Variants in ILDR1 observed in about 807,000 individuals in gnomAD.
ILDR1 encodes immunoglobulin like domain containing receptor 1.
Under a neutral mutation model 62.4 loss-of-function variants are expected in ILDR1, and 56 were observed. The ratio of observed to expected loss-of-function variants is 0.90; its 90% CI spans 0.72 to 1.12. The LOEUF (loss-of-function observed/expected upper bound fraction) is 1.12. Among genes scored for constraint, ILDR1 ranks in the 50% most tolerant of loss-of-function variants. The pLI is 0.00. For missense variants in ILDR1, 736 were observed against 710.6 expected, an observed-to-expected ratio of 1.04 and a Z score of -0.41; for synonymous variants, 284 against 277.8, an observed-to-expected ratio of 1.02 and a Z score of -0.22.
At chr3:122,055,179 G>A in the ILDR1 span, among the ~76,000 whole-genome samples, 1 of 152,020 alleles carries the variant, frequency 6.6e-6, no homozygotes. Context: ...TTTTATTCAG[G>A]CTCATCTTAA....
intron 7 of ILDR1, among the ~76,000 whole-genome samples, chr3:121,989,436 T>G (rs902151074): frequency 6.6e-6 from 1 of 152,214 alleles, no homozygotes; most frequent in Non-Finnish European, 1.5e-5. Context: ...GGGATTCTCT[T>G]TAGAAAGTTT....
the ILDR1 span, among the ~76,000 whole-genome samples, chr3:122,035,839 A>G: frequency 1.3e-5 from 2 of 152,204 alleles, no homozygotes; most frequent in Non-Finnish European, 2.9e-5. Context: ...TGGTACCAGG[A>G]AAGTGGGGGA....
the ILDR1 span, among the ~76,000 whole-genome samples, chr3:122,041,769 T>G: frequency 5.9e-5 from 9 of 152,104 alleles, no homozygotes; most frequent in South Asian, 4.2e-4. Context: ...ATCTTGCAAC[T>G]TTACTGAATT....
the ILDR1 span, among the ~76,000 whole-genome samples, chr3:122,031,930 G>C: frequency 6.6e-6 from 1 of 152,186 alleles, no homozygotes; most frequent in Non-Finnish European, 1.5e-5. Flanking sequence ...TTTCTTGCTG[G>C]ATGAGTACTG....
chr3:121,990,048 A>C (rs1397903649), intron 7 of ILDR1, among the ~76,000 whole-genome samples: 1 of 152,214 alleles, frequency 6.6e-6, no homozygotes, highest in East Asian at 1.9e-4. Flanking sequence ...TATCAACTCA[A>C]GCAGTAAACA....
At chr3:122,001,213 C>T (rs571381037) in intron 5 of ILDR1, 95 bp downstream of exon 5, 3 of 1,397,864 alleles carry the variant, frequency 2.1e-6, no homozygotes, top group South Asian at 2.4e-5. Flanking sequence ...TGGAGGAGAA[C>T]CTGGAAGAAT....
intron 5 of ILDR1, among the ~76,000 whole-genome samples, chr3:121,999,785 A>T (rs1007333210): frequency 6.6e-5 from 10 of 152,238 alleles, no homozygotes; most frequent in Admixed American, 5.9e-4. Flanking sequence ...ACCTCATTAT[A>T]TCCCCTCTCA....
At chr3:122,014,589 G>A (rs1353812896) in intron 1 of ILDR1, among the ~76,000 whole-genome samples, 4 of 152,064 alleles carry the variant, frequency 2.6e-5, no homozygotes, top group Admixed American at 2.0e-4. Context: ...ATATAAGTAC[G>A]TCTTCACATG....
chr3:122,013,535 G>A (rs910905722), intron 1 of ILDR1, among the ~76,000 whole-genome samples: 5 of 152,120 alleles, frequency 3.3e-5, no homozygotes, highest in African/African-American at 1.2e-4. Context: ...GTTTATGGCT[G>A]AGCAGGCTAT....
chr3:122,034,905 T>C, the ILDR1 span, among the ~76,000 whole-genome samples: 1 of 152,164 alleles, frequency 6.6e-6, no homozygotes, highest in Non-Finnish European at 1.5e-5. Context: ...TCATTCACTG[T>C]CATGAGAACA....
chr3:122,040,499 G>A, the ILDR1 span, among the ~76,000 whole-genome samples: 1 of 151,726 alleles, frequency 6.6e-6, no homozygotes, highest in Non-Finnish European at 1.5e-5. Context: ...AAGAAAAACA[G>A]TAAACTTGGA....
intron 5 of ILDR1, among the ~76,000 whole-genome samples, chr3:121,997,974 T>C (rs1186098925): frequency 1.3e-5 from 2 of 152,144 alleles, no homozygotes; most frequent in African/African-American, 4.8e-5. Flanking sequence ...GTTGGGGAGG[T>C]GGGATGTGAT....
At chr3:122,000,253 GAAAA>G (rs757632692) in intron 5 of ILDR1, among the ~76,000 whole-genome samples, 1 of 126,752 alleles carries the variant, frequency 7.9e-6, no homozygotes. Flanking sequence ...AGTTAAGGAG[GAAAA>G]AAAAAAAAAA....
At chr3:121,994,146 T>C (rs1038950329) in intron 6 of ILDR1, 36 bp downstream of exon 6, 16 of 1,533,530 alleles carry the variant, frequency 1.0e-5, no homozygotes, top group Non-Finnish European at 1.4e-5. Flanking sequence ...CCTTGCCCTC[T>C]GCCCTCCCCT....
rs894241295 is a variant in ILDR1 at position 121,994,277 on chromosome 3, G to A, written c.683C>T (p.Ala228Val). 1 of 1,535,996 alleles carries A rather than the reference G, an allele frequency of 6.5e-7. No individual in the cohort carries two copies. Among genetic ancestry groups the A allele is most frequent in the African/African-American group, 1.4e-5 (1 of 73,156 alleles). The change falls in exon 6 of 8, where the codon GCC (alanine) becomes GTC (valine). Residue 228 changes from alanine to valine, a missense_variant. Physicochemically the swap from Ala to Val is moderately conservative, Grantham distance 64. Coordinates refer to ENST00000344209, the MANE Select transcript of ILDR1 (RefSeq NM_001199799.2). ...TTTTCCCATCATCTGAGGACCTAGG[G>A]CCTGGGCCTGCTTCATGTAGCGGTG... is the stretch of plus-strand genomic sequence containing the variant. ...ARHRYMKQAQ[A>V]LGPQMMGKPL...
chr3:122,053,784 G>A, the ILDR1 span, among the ~76,000 whole-genome samples: 1 of 152,176 alleles, frequency 6.6e-6, no homozygotes, highest in Admixed American at 6.5e-5. Context: ...AAAAATTTGA[G>A]TGTATGCATT....
At chr3:122,055,770 T>G in the ILDR1 span, among the ~76,000 whole-genome samples, 230 of 152,362 alleles carry the variant, frequency 1.5e-3, no homozygotes, top group Middle Eastern at 3.4e-3. Flanking sequence ...TTACAGTCAT[T>G]GATTTTAGTG....
chr3:122,022,184 G>A lies in ILDR1; in HGVS notation c.-107C>T. On this transcript the variant is annotated 5_prime_UTR_variant, in exon 1 of 8. Coordinates refer to ENST00000344209, the MANE Select transcript of ILDR1 (RefSeq NM_001199799.2). Reference sequence around the variant, plus strand: ...CCACCTTCTCCAAGGAACCCCTCGGGTTTCCCCTCCCTCGGCGCAGCGGGG... The same window carrying A: ...CCACCTTCTCCAAGGAACCCCTCGGATTTCCCCTCCCTCGGCGCAGCGGGG... The A allele has an allele frequency of 1.0e-6, 1 of 996,932 alleles. No individual in the cohort carries two copies. The highest frequency in any genetic ancestry group is 1.5e-6 in the Non-Finnish European group (1 of 672,946). 61.8% of individuals were successfully genotyped at this position (996,932 alleles called of 1,614,324 possible).
chr3:122,006,885 C>G (rs1314835591), intron 2 of ILDR1, 106 bp downstream of exon 2: 1 of 1,231,616 alleles, frequency 8.1e-7, no homozygotes, highest in Admixed American at 2.0e-5. Flanking sequence ...TGTGTCTTCT[C>G]CTCACTACCA....
Sources: allele counts gnomAD v4.1 joint callset (sites outside exome capture counted in the v4.1 genomes callset), GRCh38; gene constraint gnomAD v4.1.1; transcripts MANE v1.5; gene names NCBI Gene and HGNC (gene_info 2026-07-23, HGNC 2026-07-21).